The following DTD1 variants were observed in gnomAD, a reference collection of about 807,000 sequenced individuals.
DTD1 encodes the protein D-aminoacyl-tRNA deacylase 1.
In DTD1, 13 loss-of-function variants were observed where a neutral mutation model predicts 25.6. That is an observed-to-expected ratio of 0.51 (90% CI 0.33 to 0.81). DTD1 has a LOEUF of 0.81. DTD1 is among the 30% of genes least tolerant of loss of function. DTD1 has a pLI of 0.02. For synonymous variants in DTD1, 110 were observed against 103.6 expected (o/e 1.06, Z -0.37); for missense variants, 193 against 266.4 (o/e 0.72, Z 1.92).
At chr20:18,737,415 C>A (rs1311364058) in intron 4 of DTD1, among the ~76,000 whole-genome samples, 1 of 152,236 alleles carries the variant, frequency 6.6e-6, no homozygotes, top group African/African-American at 2.4e-5. Flanking sequence ...CCCCCCCATA[C>A]TTTGGCCACC....
chr20:18,631,029 T>A, intron 4 of DTD1: 5 of 983,202 alleles, frequency 5.1e-6, no homozygotes, highest in Non-Finnish European at 6.0e-6. Context: ...GATACCTCCA[T>A]GTTAGATGAA....
chr20:18,699,941 C>T (rs2122456415), intron 4 of DTD1, among the ~76,000 whole-genome samples: 1 of 152,326 alleles, frequency 6.6e-6, no homozygotes, highest in Non-Finnish European at 1.5e-5. Context: ...TCAAAACCAG[C>T]AAGTTACTGT....
At chr20:18,589,886 T>G (rs1162678247) in intron 1 of DTD1, among the ~76,000 whole-genome samples, 2 of 150,286 alleles carry the variant, frequency 1.3e-5, no homozygotes, top group Admixed American at 1.3e-4. Context: ...TATGGGAAAG[T>G]GTAAATAATT....
intron 4 of DTD1, among the ~76,000 whole-genome samples, chr20:18,661,404 C>T (rs1356046322): frequency 8.1e-6 from 1 of 123,444 alleles, no homozygotes; most frequent in East Asian, 2.5e-4. Flanking sequence ...CAGAGTCTTG[C>T]TCTGTCGCCC....
intron 3 of DTD1, among the ~76,000 whole-genome samples, chr20:18,603,632 G>A (rs1220374810): frequency 3.7e-5 from 4 of 108,376 alleles, no homozygotes; most frequent in South Asian, 2.8e-4. Flanking sequence ...ACTCAAAGCC[G>A]CTCAACTACA....
At chr20:18,623,665 C>T (rs1160650045) in intron 3 of DTD1, among the ~76,000 whole-genome samples, 5 of 152,144 alleles carry the variant, frequency 3.3e-5, no homozygotes, top group South Asian at 2.1e-4. Flanking sequence ...TGGCGCAGGC[C>T]GTCTGCATCT....
At chr20:18,658,215 G>T (rs1600348244) in intron 4 of DTD1, among the ~76,000 whole-genome samples, 1 of 151,930 alleles carries the variant, frequency 6.6e-6, no homozygotes, top group African/African-American at 2.4e-5. Context: ...GTGTGTGTGT[G>T]TGTGTGTGTG....
chr20:18,723,970 C>A (rs1248566213), intron 4 of DTD1, among the ~76,000 whole-genome samples: 1 of 152,130 alleles, frequency 6.6e-6, no homozygotes, highest in Admixed American at 6.5e-5. Context: ...TGTTGGCTTC[C>A]CTCATGGTCC....
At chr20:18,614,180 A>C (rs1003856057) in intron 3 of DTD1, among the ~76,000 whole-genome samples, 7 of 152,126 alleles carry the variant, frequency 4.6e-5, no homozygotes, top group Non-Finnish European at 7.4e-5. Context: ...CCAGCCTCAG[A>C]GCAGAGATCA....
At chr20:18,627,300 A>G (rs1024984962) in intron 3 of DTD1, among the ~76,000 whole-genome samples, 1 of 152,136 alleles carries the variant, frequency 6.6e-6, no homozygotes, top group Non-Finnish European at 1.5e-5. Flanking sequence ...AGGAACAGAG[A>G]CTCATGGAGG....
intron 4 of DTD1, among the ~76,000 whole-genome samples, chr20:18,638,305 A>G (rs2060816080): frequency 6.6e-6 from 1 of 152,124 alleles, no homozygotes; most frequent in Admixed American, 6.5e-5. Context: ...CTGGCCCTGC[A>G]TGTAGGTCCA....
chr20:18,711,652 G>C (rs1029135867), intron 4 of DTD1, among the ~76,000 whole-genome samples: 3 of 152,064 alleles, frequency 2.0e-5, no homozygotes, highest in Non-Finnish European at 4.4e-5. Context: ...CTCGTGAGCT[G>C]TTCTTACTCT....
At chr20:18,650,767 A>T (rs886386081) in intron 4 of DTD1, among the ~76,000 whole-genome samples, 2 of 152,200 alleles carry the variant, frequency 1.3e-5, no homozygotes, top group African/African-American at 4.8e-5. Context: ...AGGCATTACA[A>T]ACTAAAGGCA....
At chr20:18,744,752 G>T (rs902798816) in intron 5 of DTD1, among the ~76,000 whole-genome samples, 1 of 151,748 alleles carries the variant, frequency 6.6e-6, no homozygotes, top group Non-Finnish European at 1.5e-5. Context: ...CCATGATTCA[G>T]TTACCTCCCA....
At chr20:18,627,408 T>C (rs1157466911) in intron 3 of DTD1, among the ~76,000 whole-genome samples, 1 of 152,228 alleles carries the variant, frequency 6.6e-6, no homozygotes, top group Non-Finnish European at 1.5e-5. Context: ...AGGGCTTCAC[T>C]GCATGCAGTG....
intron 1 of DTD1, among the ~76,000 whole-genome samples, chr20:18,590,220 C>T (rs2060583634): frequency 6.6e-6 from 1 of 152,130 alleles, no homozygotes; most frequent in African/African-American, 2.4e-5. Flanking sequence ...CTCTGTCACC[C>T]AGGCTGGAGT....
intron 4 of DTD1, among the ~76,000 whole-genome samples, chr20:18,715,883 A>C (rs1209615385): frequency 1.3e-5 from 2 of 152,296 alleles, no homozygotes; most frequent in East Asian, 1.9e-4. Flanking sequence ...AGTCTCCAGC[A>C]TGCAGATATT....
At chr20:18,660,074 C>T (rs1222755504) in intron 4 of DTD1, among the ~76,000 whole-genome samples, 7 of 152,004 alleles carry the variant, frequency 4.6e-5, no homozygotes, top group Non-Finnish European at 1.0e-4. Context: ...CCTATCTCTA[C>T]TAAAAATACA....
At chr20:18,644,900 C>T (rs1156252149) in intron 4 of DTD1, among the ~76,000 whole-genome samples, 1 of 152,176 alleles carries the variant, frequency 6.6e-6, no homozygotes, top group Non-Finnish European at 1.5e-5. Context: ...AATCCCAAGA[C>T]TTTGGGAGCC....
Sources: allele counts gnomAD v4.1 joint callset (sites outside exome capture counted in the v4.1 genomes callset), GRCh38; gene constraint gnomAD v4.1.1; transcripts MANE v1.5; gene names NCBI Gene and HGNC (gene_info 2026-07-23, HGNC 2026-07-21).